The following RAMP1 variants were observed in gnomAD, a reference collection of about 807,000 sequenced individuals.
RAMP1 encodes receptor activity modifying protein 1, also known as receptor activity-modifying protein 1.
Under a neutral mutation model 8.2 loss-of-function variants are expected in RAMP1, and 7 were observed. The ratio of observed to expected loss-of-function variants is 0.85; its 90% confidence interval spans 0.49 to 1.60. The LOEUF (loss-of-function observed/expected upper bound fraction) is 1.60, where lower values mean the gene tolerates loss of function less well. Among genes scored for constraint, RAMP1 ranks in the 40% most tolerant of loss-of-function variants. RAMP1 has a pLI of 0.00. For missense variants in RAMP1, 192 were observed against 202.4 expected, an observed-to-expected ratio of 0.95 and a Z score of 0.31; for synonymous variants, 92 against 84.7, an observed-to-expected ratio of 1.09 and a Z score of -0.47.
At chr2:237,891,685 A>G (rs1407689323) in intron 2 of RAMP1, among the ~76,000 whole-genome samples, 1 of 152,182 alleles carries the variant, frequency 6.6e-6, no homozygotes, top group Non-Finnish European at 1.5e-5. Context: ...GAATACTTGA[A>G]AAAGAAGAAA....
intron 2 of RAMP1, among the ~76,000 whole-genome samples, chr2:237,900,929 TCAGA>T (rs2062591360): frequency 6.6e-6 from 1 of 152,252 alleles, no homozygotes; most frequent in African/African-American, 2.4e-5. Flanking sequence ...AGAACCTTTA[TCAGA>T]CAGTCACTGC....
At chr2:237,886,497 C>T (rs1215047300) in intron 2 of RAMP1, among the ~76,000 whole-genome samples, 2 of 152,234 alleles carry the variant, frequency 1.3e-5, no homozygotes, top group African/African-American at 4.8e-5. Context: ...TCAGAAAGCT[C>T]CAGGAGAAAT....
Position 237,865,960 on chromosome 2 carries a change from C to T in RAMP1, c.52+6233C>T, listed in dbSNP as rs1410946050. Reference sequence around the variant, plus strand: ...AGAGCATGCCTGTGTAGGTTTCCTCCAGTGCCTTATGGTTCTAAACACACA... The same window carrying T: ...AGAGCATGCCTGTGTAGGTTTCCTCTAGTGCCTTATGGTTCTAAACACACA... On this transcript the variant is annotated intron_variant, in intron 1 of 2. Transcript: ENST00000254661. The surrounding 1 kb of genome is among the most constrained non-coding windows in gnomAD (Gnocchi z 4.2). 6.6e-6 allele frequency among the ~76,000 whole-genome samples: 1 copy of T among 152,216 alleles called. No individual in the cohort carries two copies. Among genetic ancestry groups the T allele is most frequent in the East Asian group, 1.9e-4 (1 of 5,196 alleles).
rs1286648969 is a variant in RAMP1, at chr2:237,862,933, A to G, written c.52+3206A>G. On this transcript the variant is annotated intron_variant, in intron 1 of 2. Transcript: ENST00000254661. This position sits in a 1 kb window ranked among gnomAD's most constrained non-coding sequence, Gnocchi z 4.0. ...TCTACCCTGTGAGCCATGGGGGAGTACCTGTCCATGACATAGAGCACTCCT... is the reference window on the plus strand; with the variant it reads ...TCTACCCTGTGAGCCATGGGGGAGTGCCTGTCCATGACATAGAGCACTCCT... 6.6e-6 allele frequency among the ~76,000 whole-genome samples: 1 copy of G among 152,138 alleles called. No homozygotes were observed.
rs1462078325 is a variant in RAMP1, at chr2:237,865,326, AGGAGG to A, written c.52+5611_52+5615del. 1.3e-4 allele frequency among the ~76,000 whole-genome samples: 4 copies of A among 30,532 alleles called. No individual in the cohort carries two copies. Among genetic ancestry groups the A allele is most frequent in the Non-Finnish European group, 2.5e-4 (4 of 16,318 alleles). The allele number at this position is 30,532 out of a possible 152,430, so 20.0% of individuals were successfully genotyped here. On this transcript the variant is annotated intron_variant, in intron 1 of 2. Transcript: ENST00000254661. This position sits in a 1 kb window ranked among gnomAD's most constrained non-coding sequence, Gnocchi z 4.2. ...AGGAGGGGAGGGCAGGGGAGAAGAG[AGGAGG>A]GGAGGGGAGGGCAGGGGAGTAGAGA... is the stretch of plus-strand genomic sequence containing the variant.
intron 2 of RAMP1, among the ~76,000 whole-genome samples, chr2:237,904,230 G>A (rs1004982497): frequency 6.0e-5 from 9 of 150,728 alleles, no homozygotes; most frequent in African/African-American, 1.7e-4. Flanking sequence ...TGGCTAACAC[G>A]GTGAAACCCC....
intron 2 of RAMP1, among the ~76,000 whole-genome samples, chr2:237,882,984 G>T (rs2062387004): frequency 6.6e-6 from 1 of 152,180 alleles, no homozygotes. Flanking sequence ...AGCCAGGCAG[G>T]TGACCTGATG....
chr2:237,908,959 C>T (rs1189809925), intron 2 of RAMP1, among the ~76,000 whole-genome samples: 1 of 152,156 alleles, frequency 6.6e-6, no homozygotes, highest in African/African-American at 2.4e-5. Flanking sequence ...CCTGTTCCTA[C>T]CCTGGCTGCA....
intron 1 of RAMP1, 115 bp downstream of exon 1, chr2:237,859,842 C>A: frequency 9.9e-7 from 1 of 1,014,796 alleles, no homozygotes; most frequent in Non-Finnish European, 1.3e-6. Flanking sequence ...GCGGGCGCCG[C>A]GGGCGCACAG....
intron 2 of RAMP1, among the ~76,000 whole-genome samples, chr2:237,879,965 GA>G (rs1253489200): frequency 7.1e-6 from 1 of 139,894 alleles, no homozygotes; most frequent in African/African-American, 2.7e-5. Context: ...ACTCCAGCCT[GA>G]GGGACAGAGT....
chr2:237,890,448 C>T (rs1276094063), intron 2 of RAMP1, among the ~76,000 whole-genome samples: 6 of 151,780 alleles, frequency 4.0e-5, no homozygotes, highest in Non-Finnish European at 7.4e-5. Context: ...GTGATCCACC[C>T]GCCTCGGCCT....
rs2062337709 is a variant in RAMP1 at position 237,878,944 on chromosome 2, C to T, written c.191+1582C>T. ...AGACACAGTGAACCAGGGAGCCCAC[C>T]CCAACCCTCTGGGGTCTCCAGGGGC... On this transcript the variant is annotated intron_variant, in intron 2 of 2. Coordinates refer to ENST00000254661, the MANE Select transcript of RAMP1 (RefSeq NM_005855.4). This position sits in a 1 kb window ranked among gnomAD's most constrained non-coding sequence, Gnocchi z 5.7. 6.6e-6 allele frequency among the ~76,000 whole-genome samples: 1 copy of T among 152,208 alleles called. No homozygotes were observed. Among genetic ancestry groups the T allele is most frequent in the Non-Finnish European group, 1.5e-5 (1 of 68,040 alleles).
chr2:237,911,364 G>A (rs933483610), intron 2 of RAMP1, among the ~76,000 whole-genome samples, 164 bp from the exon 3 acceptor site: 10 of 152,220 alleles, frequency 6.6e-5, no homozygotes, highest in Admixed American at 2.0e-4. Context: ...TGGAGCCATC[G>A]GGCCCCTGCC....
intron 2 of RAMP1, among the ~76,000 whole-genome samples, chr2:237,902,707 C>A (rs1020221433): frequency 1.3e-5 from 2 of 152,236 alleles, no homozygotes; most frequent in Non-Finnish European, 2.9e-5. Flanking sequence ...GCCCTGCCTG[C>A]ACATCAGAGC....
intron 1 of RAMP1, among the ~76,000 whole-genome samples, chr2:237,876,030 T>A (rs73090688): frequency 6.6e-6 from 1 of 152,016 alleles, no homozygotes; most frequent in East Asian, 1.9e-4. Context: ...GAAGCCTCAG[T>A]TCCCCCATCC....
intron 1 of RAMP1, among the ~76,000 whole-genome samples, chr2:237,873,459 AG>A (rs1227509852): frequency 1.4e-4 from 22 of 152,228 alleles, no homozygotes; most frequent in Admixed American, 1.4e-3. Context: ...ACTTTGCTTG[AG>A]GGGCCCTCCA....
At chr2:237,897,311 C>T (rs1467255388) in intron 2 of RAMP1, among the ~76,000 whole-genome samples, 1 of 152,228 alleles carries the variant, frequency 6.6e-6, no homozygotes, top group Admixed American at 6.5e-5. Context: ...GAGAATAAGG[C>T]CACAGGTGGT....
At chr2:237,886,385 G>A (rs1304681059) in intron 2 of RAMP1, among the ~76,000 whole-genome samples, 4 of 152,182 alleles carry the variant, frequency 2.6e-5, no homozygotes, top group African/African-American at 7.2e-5. Context: ...CTTAACGTGC[G>A]CGCCATGGTG....
intron 2 of RAMP1, among the ~76,000 whole-genome samples, chr2:237,899,359 C>T (rs1272324404): frequency 2.0e-5 from 3 of 152,250 alleles, no homozygotes; most frequent in African/African-American, 7.2e-5. Flanking sequence ...GCGTGAGCCA[C>T]TGCACCTGGC....
Sources: allele counts gnomAD v4.1 joint callset (sites outside exome capture counted in the v4.1 genomes callset), GRCh38; gene constraint gnomAD v4.1.1; non-coding constraint Gnocchi (gnomAD v3.1); transcripts MANE v1.5; gene names NCBI Gene and HGNC (gene_info 2026-07-23, HGNC 2026-07-21).